Variants in NLRP8 observed in about 807,000 individuals in gnomAD.
The protein encoded by NLRP8 is NACHT, LRR and PYD domains-containing protein 8.
NLRP8 carries 86 observed loss-of-function variants against 88.7 expected under a neutral mutation model. That is an observed-to-expected ratio of 0.97 (90% CI 0.81 to 1.16). The LOEUF is 1.16. Ranked by LOEUF, NLRP8 falls within the 50% of genes most tolerant of loss-of-function variation. The probability of loss-of-function intolerance (pLI) is 0.00; values close to 1 mark genes in which losing one functional copy is unlikely to be tolerated. For synonymous variants in NLRP8, 504 were observed against 494.6 expected (o/e 1.02, Z -0.25); for missense variants, 1,342 against 1,286.5 (o/e 1.04, Z -0.66).
intron 9 of NLRP8, among the ~76,000 whole-genome samples, chr19:55,986,870 C>T (rs767014708): frequency 6.6e-6 from 1 of 152,176 alleles, no homozygotes; most frequent in Non-Finnish European, 1.5e-5. Flanking sequence ...TTTTGTTCTC[C>T]ACTGCTGATT....
intron 1 of NLRP8, among the ~76,000 whole-genome samples, chr19:55,950,017 G>A (rs1016697367): frequency 3.3e-5 from 5 of 152,096 alleles, no homozygotes; most frequent in African/African-American, 4.8e-5. Context: ...GAGAGTCACC[G>A]GAAAAGAAAA....
Position 55,970,608 on chromosome 19 carries a change from G to T in NLRP8, c.2446G>T (p.Gly816Trp), listed in dbSNP as rs765429558. 19 of 1,613,916 alleles carry T rather than the reference G, an allele frequency of 1.2e-5. No individual in the cohort carries two copies. Among genetic ancestry groups the T allele is most frequent in the Non-Finnish European group, 1.5e-5 (18 of 1,180,030 alleles). The change falls in exon 6 of 10, where the codon GGG (glycine) becomes TGG (tryptophan). Residue 816 changes from glycine to tryptophan, a missense_variant. Transcript: ENST00000291971. The stretch of plus-strand genomic sequence containing the variant: ...TCTTGGCAATAATCTTCAAGGTAAC[G>T]GGCATCTAAAGACTCTCATACTAAG...
In NLRP8 at chr19:55,955,695, G is replaced by C; in HGVS notation, c.1637G>C (p.Arg546Thr). 6.2e-7 allele frequency: 1 copy of C among 1,614,088 alleles called. No homozygotes were observed. Among genetic ancestry groups the C allele is most frequent in the Non-Finnish European group, 8.5e-7 (1 of 1,179,944 alleles). Residue 546 changes from arginine (R) to threonine (T), a missense_variant, in exon 3 of 10, where the codon AGA becomes ACA. Physicochemically the swap from Arg to Thr is moderately conservative, Grantham distance 71 (BLOSUM62 -1). Coordinates refer to ENST00000291971, the MANE Select transcript of NLRP8 (RefSeq NM_176811.2). ...ATCCAGCGCCTGATAGCGAGTCCCA[G>C]AGGAAGCAAAAGCTATCTCTCTCAC...
Position 55,955,354 on chromosome 19 carries a change from T to C in NLRP8, c.1296T>C (p.Ser432=). Reference sequence around the variant, plus strand: ...CCTCTGTGTTCGTCCGGTATATTTCTAGCTTGTTTCCCACCAGAGCTGAGA... The same window carrying C: ...CCTCTGTGTTCGTCCGGTATATTTCCAGCTTGTTTCCCACCAGAGCTGAGA... The change falls in exon 3 of 10, where the codon TCT becomes TCC. Residue 432 remains serine, a synonymous_variant. Coordinates refer to ENST00000291971, the MANE Select transcript of NLRP8 (RefSeq NM_176811.2). 6.2e-7 allele frequency: 1 copy of C among 1,614,222 alleles called. No homozygotes were observed.
At chr19:55,979,033 G>T (rs952118950) in intron 8 of NLRP8, among the ~76,000 whole-genome samples, 3 of 152,168 alleles carry the variant, frequency 2.0e-5, no homozygotes, top group African/African-American at 7.2e-5. Flanking sequence ...TCAATACCCT[G>T]CCCAGTCAAC....
At position 55,979,528 on chromosome 19, in the gene NLRP8, C is replaced by A; in HGVS notation, c.3011C>A (p.Ala1004Asp). 6.2e-7 allele frequency: 1 copy of A among 1,614,158 alleles called. No individual in the cohort carries two copies. Among genetic ancestry groups the A allele is most frequent in the Non-Finnish European group, 8.5e-7 (1 of 1,180,020 alleles). ...TATGGTATTCTGACCTTGTGCGAGG[C>A]CTTCTCAAGCCAAAAGAAGAGAGAA... Residue 1004 changes from alanine (A) to aspartate (D), a missense_variant, in exon 9 of 10, where the codon GCC becomes GAC. By Grantham distance (126) the Ala-to-Asp change is moderately radical. Coordinates refer to ENST00000291971, the MANE Select transcript of NLRP8 (RefSeq NM_176811.2).
At chr19:55,974,826 C>T (rs958088694) in intron 7 of NLRP8, among the ~76,000 whole-genome samples, 4 of 151,750 alleles carry the variant, frequency 2.6e-5, no homozygotes, top group Non-Finnish European at 5.9e-5. Context: ...GAGAGACTTT[C>T]CCCCCACCTC....
chr19:55,950,884 C>T (rs548803171), intron 1 of NLRP8, among the ~76,000 whole-genome samples: 2 of 152,298 alleles, frequency 1.3e-5, no homozygotes, highest in African/African-American at 4.8e-5. Flanking sequence ...TTGAGACCAG[C>T]CTGGCTAACA....
intron 5 of NLRP8, among the ~76,000 whole-genome samples, chr19:55,970,206 T>A (rs982182691): frequency 6.6e-6 from 1 of 152,204 alleles, no homozygotes; most frequent in African/African-American, 2.4e-5. Context: ...AATATACACA[T>A]AAATGAAAAT....
Position 55,954,944 on chromosome 19 carries a change from A to G in NLRP8, c.886A>G (p.Ile296Val), listed in dbSNP as rs951858087. 6.2e-7 allele frequency: 1 copy of G among 1,614,162 alleles called. No individual in the cohort carries two copies. Among genetic ancestry groups the G allele is most frequent in the African/African-American group, 1.3e-5 (1 of 75,034 alleles). ...CTTTGAGGAGCTCACATCTACCCTC[A>G]TTGACAGACTGGAGGACCTGAGTGA... Residue 296 changes from isoleucine to valine, a missense_variant, in exon 3 of 10, where the codon ATT becomes GTT. Coordinates refer to ENST00000291971, the MANE Select transcript of NLRP8 (RefSeq NM_176811.2).
Position 55,988,474 on chromosome 19 carries a change from T to C in NLRP8, c.*561T>C, listed in dbSNP as rs1257796208. On this transcript the variant is annotated 3_prime_UTR_variant, in exon 10 of 10. Coordinates refer to ENST00000291971, the MANE Select transcript of NLRP8 (RefSeq NM_176811.2). ...TATATATATATATATATATATGCTATATAAAGTTTAAATGAAATGCTTTGA... is the reference window on the plus strand; with the variant it reads ...TATATATATATATATATATATGCTACATAAAGTTTAAATGAAATGCTTTGA... 2 of 104,904 alleles carry C rather than the reference T, an allele frequency of 1.9e-5. No individual in the cohort carries two copies. The highest frequency in any genetic ancestry group is 3.9e-5 in the African/African-American group (1 of 25,376). The allele number at this position is 104,904 out of a possible 1,614,324, so 6.5% of individuals were successfully genotyped here. A position where few individuals can be genotyped will look rare whatever the true frequency, so the allele number is the denominator to read the frequency against.
At position 55,954,490 on chromosome 19, in the gene NLRP8, C is replaced by A. The variant is rs1275015801; in HGVS notation, c.443-11C>A. The stretch of plus-strand genomic sequence containing the variant: ...GTCATACCCTTTATTTCTCCCATCT[C>A]ACAAATCTAGGTAAAATACGGCGGT... On this transcript the variant is annotated splice_polypyrimidine_tract_variant and intron_variant, in intron 2 of 9. Coordinates refer to ENST00000291971, the MANE Select transcript of NLRP8 (RefSeq NM_176811.2). 6.2e-7 allele frequency: 1 copy of A among 1,609,412 alleles called. No individual in the cohort carries two copies. The highest frequency in any genetic ancestry group is 1.3e-5 in the African/African-American group (1 of 74,876).
Position 55,947,984 on chromosome 19 carries a change from A to G in NLRP8, c.82A>G (p.Thr28Ala). The change falls in exon 1 of 10, where the codon ACA (threonine) becomes GCA (alanine). Residue 28 changes from threonine to alanine, a missense_variant. Physicochemically the swap from Thr to Ala is moderately conservative, Grantham distance 58. Coordinates refer to ENST00000291971, the MANE Select transcript of NLRP8 (RefSeq NM_176811.2). ...TCACAGTTCTCATATTCCGCCCTGG[A>G]CATTCTCTTGCTACCCCGGCTCCCC... 1 of 1,614,024 alleles carries G rather than the reference A, an allele frequency of 6.2e-7. No individual in the cohort carries two copies. Among genetic ancestry groups the G allele is most frequent in the East Asian group, 2.2e-5 (1 of 44,848 alleles).
Position 55,979,494 on chromosome 19 carries a change from A to C in NLRP8, c.2977A>C (p.Ile993Leu). 1.2e-6 allele frequency: 2 copies of C among 1,614,212 alleles called. No individual in the cohort carries two copies. The highest frequency in any genetic ancestry group is 2.2e-5 in the East Asian group (1 of 44,882). ...ACATCTGGACTTGAGCAAGAATGCGATTGGAGTCTATGGTATTCTGACCTT... is the reference window on the plus strand; with the variant it reads ...ACATCTGGACTTGAGCAAGAATGCGCTTGGAGTCTATGGTATTCTGACCTT... Residue 993 changes from isoleucine to leucine, a missense_variant, in exon 9 of 10, where the codon ATT becomes CTT. Coordinates refer to ENST00000291971, the MANE Select transcript of NLRP8 (RefSeq NM_176811.2).
Position 55,984,339 on chromosome 19 carries a change from A to G in NLRP8, c.3048-3475A>G, listed in dbSNP as rs571091767. On this transcript the variant is annotated intron_variant, in intron 9 of 9. Coordinates refer to ENST00000291971, the MANE Select transcript of NLRP8 (RefSeq NM_176811.2). ...TAAAATTTCTTTTATACTGGTGTCA[A>G]TAATCTCAAATAGGAATAAACAATA... Among the ~76,000 whole-genome samples the G allele has an allele frequency of 2.0e-5, 3 of 152,332 alleles. No homozygotes were observed. The South Asian group carries it at 6.2e-4, about 32-fold the overall frequency.
chr19:55,954,961 C>A lies in NLRP8; in HGVS notation c.903C>A (p.Asp301Glu), dbSNP rs774857045. 1.2e-6 allele frequency: 2 copies of A among 1,614,122 alleles called. No individual in the cohort carries two copies. The highest frequency in any genetic ancestry group is 1.7e-6 in the Non-Finnish European group (2 of 1,180,026). ...CTACCCTCATTGACAGACTGGAGGA[C>A]CTGAGTGAAGACTGGAGGCAGAAAT... Residue 301 changes from aspartate (D) to glutamate (E), a missense_variant, in exon 3 of 10, where the codon GAC (aspartate) becomes GAA (glutamate). Asp to Glu is a conservative substitution (Grantham distance 45). Coordinates refer to ENST00000291971, the MANE Select transcript of NLRP8 (RefSeq NM_176811.2).
chr19:55,961,461 G>C (rs1474062450), intron 3 of NLRP8, among the ~76,000 whole-genome samples: 1 of 152,066 alleles, frequency 6.6e-6, no homozygotes, highest in East Asian at 1.9e-4. Context: ...TGTAGGTACA[G>C]AATATAATTC....
intron 6 of NLRP8, among the ~76,000 whole-genome samples, chr19:55,972,117 T>TA (rs1337785599): frequency 1.1e-5 from 1 of 90,290 alleles, no homozygotes; most frequent in Non-Finnish European, 2.2e-5. Context: ...TGTTTTAATT[T>TA]TTTTTTTTTT....
intron 4 of NLRP8, among the ~76,000 whole-genome samples, chr19:55,965,315 G>A (rs1046333697): frequency 6.6e-6 from 1 of 152,052 alleles, no homozygotes; most frequent in African/African-American, 2.4e-5. Flanking sequence ...GCCAGGCATG[G>A]TAGTGGGTGC....
Sources: gnomAD v4.1 joint callset for allele counts (sites outside exome capture counted in the v4.1 genomes callset) on GRCh38, gnomAD v4.1.1 for gene constraint, MANE v1.5 for transcripts, NCBI Gene and HGNC (gene_info 2026-07-23, HGNC 2026-07-21) for gene names.